The following SLC25A48 variants were observed in gnomAD, a reference collection of about 807,000 sequenced individuals.
SLC25A48 encodes solute carrier family 25 member 48.
A neutral mutation model predicts 32.2 loss-of-function variants in SLC25A48; 29 were observed. The observed-to-expected ratio is 0.90, with a 90% CI of 0.67 to 1.23. The LOEUF is 1.23. SLC25A48 is among the 50% of genes most tolerant of loss of function. SLC25A48 has a pLI of 0.00. For synonymous variants in SLC25A48, 164 were observed against 172.3 expected, an observed-to-expected ratio of 0.95 and a Z score of 0.38; for missense variants, 399 against 422.7, an observed-to-expected ratio of 0.94 and a Z score of 0.49.
intron 1 of SLC25A48, among the ~76,000 whole-genome samples, chr5:135,589,064 C>T (rs552375133): frequency 6.6e-6 from 1 of 152,302 alleles, no homozygotes; most frequent in Admixed American, 6.5e-5. Flanking sequence ...CAGCCTGTGC[C>T]CGTGCACAGA....
chr5:135,786,021 C>G (rs1756839083), intron 3 of SLC25A48, among the ~76,000 whole-genome samples: 1 of 146,418 alleles, frequency 6.8e-6, no homozygotes, highest in East Asian at 2.1e-4. Flanking sequence ...GTGGGGGAGA[C>G]GGTGGTATTT....
At chr5:135,733,485 A>G (rs889663501) in intron 3 of SLC25A48, among the ~76,000 whole-genome samples, 57 of 152,228 alleles carry the variant, frequency 3.7e-4, no homozygotes, top group Admixed American at 2.0e-3. Context: ...TGGGGAGTAG[A>G]AAGTATATGC....
chr5:135,637,760 C>T lies in SLC25A48; in HGVS notation c.-521+2804C>T, dbSNP rs535082926. Among the ~76,000 whole-genome samples, 7 of 152,266 alleles carry T rather than the reference C, an allele frequency of 4.6e-5. No homozygotes were observed. The East Asian group carries it at 1.4e-3, about 29-fold the overall frequency. On this transcript the variant is annotated intron_variant, in intron 3 of 10. Coordinates refer to the SLC25A48 transcript ENST00000646290. ...TCTTTGTTAAGGTGGCATCCTCAGCCTCCTGTCATTTTTCGGGAAACTAAT... is the reference window on the plus strand; with the variant it reads ...TCTTTGTTAAGGTGGCATCCTCAGCTTCCTGTCATTTTTCGGGAAACTAAT...
intron 1 of SLC25A48, among the ~76,000 whole-genome samples, chr5:135,613,346 T>C (rs1752116504): frequency 6.6e-6 from 1 of 152,228 alleles, no homozygotes. Flanking sequence ...ATTGGATGAA[T>C]ACTTTGCAAA....
At chr5:135,715,176 G>A (rs1377391497) in intron 3 of SLC25A48, among the ~76,000 whole-genome samples, 3 of 152,074 alleles carry the variant, frequency 2.0e-5, no homozygotes, top group African/African-American at 7.2e-5. Context: ...GAGCCACTTC[G>A]AAAAAAACAG....
At chr5:135,825,204 G>A (rs530507754) in intron 4 of SLC25A48, 78 of 152,274 alleles carry the variant, frequency 5.1e-4, no homozygotes, top group African/African-American at 1.7e-3. Flanking sequence ...TGTTTCATTA[G>A]CATCATCTCA....
intron 3 of SLC25A48, among the ~76,000 whole-genome samples, chr5:135,796,431 C>T (rs1274079557): frequency 6.6e-6 from 1 of 151,196 alleles, no homozygotes; most frequent in Non-Finnish European, 1.5e-5. Context: ...TTCACAATAT[C>T]TAGGGGTGGA....
At chr5:135,659,538 A>T (rs1753338225) in intron 3 of SLC25A48, among the ~76,000 whole-genome samples, 1 of 152,160 alleles carries the variant, frequency 6.6e-6, no homozygotes, top group African/African-American at 2.4e-5. Flanking sequence ...TCTGCTCATT[A>T]TCCAGTTCCA....
intron 3 of SLC25A48, among the ~76,000 whole-genome samples, chr5:135,718,479 TC>T (rs1754862832): frequency 6.6e-6 from 1 of 152,220 alleles, no homozygotes; most frequent in South Asian, 2.1e-4. Context: ...CTCATCTGTT[TC>T]TTCTGTAAAA....
At chr5:135,797,999 A>G (rs940140933) in intron 3 of SLC25A48, among the ~76,000 whole-genome samples, 2 of 151,736 alleles carry the variant, frequency 1.3e-5, no homozygotes, top group African/African-American at 4.8e-5. Context: ...ATGATATTAC[A>G]CCCAATATTA....
At chr5:135,689,682 T>G (rs1754100009) in intron 3 of SLC25A48, among the ~76,000 whole-genome samples, 1 of 152,222 alleles carries the variant, frequency 6.6e-6, no homozygotes, top group African/African-American at 2.4e-5. Flanking sequence ...GCCGACTCAT[T>G]TCCTTGTTGG....
chr5:135,666,800 A>G (rs1171033875), intron 3 of SLC25A48, among the ~76,000 whole-genome samples: 6 of 152,172 alleles, frequency 3.9e-5, no homozygotes, highest in Non-Finnish European at 7.3e-5. Flanking sequence ...CTATTTTCCT[A>G]TCCCTACCTT....
intron 3 of SLC25A48, among the ~76,000 whole-genome samples, chr5:135,704,150 C>T (rs1472315321): frequency 6.6e-6 from 1 of 152,212 alleles, no homozygotes; most frequent in East Asian, 1.9e-4. Flanking sequence ...GGCAGAGGCT[C>T]AGCGGGAGAG....
At chr5:135,849,589 TG>T (rs1258533219) in intron 2 of SLC25A48, among the ~76,000 whole-genome samples, 3 of 152,158 alleles carry the variant, frequency 2.0e-5, no homozygotes, top group African/African-American at 7.2e-5. Context: ...TGCCCAGCTC[TG>T]GGGATGGAAG....
intron 3 of SLC25A48, among the ~76,000 whole-genome samples, chr5:135,710,102 AGTC>A (rs1460093119): frequency 6.6e-6 from 1 of 152,238 alleles, no homozygotes; most frequent in Non-Finnish European, 1.5e-5. Flanking sequence ...ACCAACAGGA[AGTC>A]CCCTTTCACT....
intron 7 of SLC25A48, 109 bp downstream of exon 7, chr5:135,880,206 C>T: frequency 1.4e-6 from 2 of 1,411,340 alleles, no homozygotes; most frequent in South Asian, 3.0e-5. Context: ...TTGTTTGTCA[C>T]ATATCTAATC....
chr5:135,660,054 C>T (rs1484235884), intron 3 of SLC25A48, among the ~76,000 whole-genome samples: 5 of 152,212 alleles, frequency 3.3e-5, no homozygotes, highest in Non-Finnish European at 7.3e-5. Context: ...TGCCTCCACT[C>T]ATTCCTTGGG....
rs542396805 is a variant in SLC25A48 at position 135,848,104 on chromosome 5, C to T, written c.91-2321C>T. ...TGGGCTTTGCTGCTGGCCTCAGTGC[C>T]AGCCTACCCGAGTGCTCAGCATGCC... On this transcript the variant is annotated intron_variant, in intron 2 of 7. Transcript: ENST00000681962. Among the ~76,000 whole-genome samples the T allele has an allele frequency of 3.9e-5, 6 of 152,324 alleles. No homozygotes were observed. The East Asian group carries it at 1.2e-3, about 29-fold the overall frequency.
chr5:135,626,070 C>T (rs111759693), intron 1 of SLC25A48, among the ~76,000 whole-genome samples: 3,011 of 152,330 alleles, frequency 0.02, 94 homozygotes, highest in African/African-American at 0.068. Context: ...AAATAAACCT[C>T]AGGACAATGG....
Sources: allele counts gnomAD v4.1 joint callset (sites outside exome capture counted in the v4.1 genomes callset), GRCh38; gene constraint gnomAD v4.1.1; transcripts MANE v1.5; gene names NCBI Gene and HGNC (gene_info 2026-07-23, HGNC 2026-07-21).